WHRN: variants seen among roughly 807,000 people sequenced by gnomAD.
WHRN encodes the protein whirlin, also known as CASK-interacting protein CIP98.
A neutral mutation model predicts 68.3 loss-of-function variants in WHRN; 41 were observed. The observed-to-expected ratio is 0.60, with a 90% CI of 0.47 to 0.78. The LOEUF is 0.78. Among genes scored for constraint, WHRN ranks in the 30% least tolerant of loss-of-function variants. The probability of loss-of-function intolerance (pLI) is 0.00; values close to 1 mark genes in which losing one functional copy is unlikely to be tolerated. For missense variants in WHRN, 1,243 were observed against 1,244.7 expected (o/e 1.00, Z 0.02); for synonymous variants, 560 against 561.3 (o/e 1.00, Z 0.03).
At chr9:114,403,373 T>C (rs755943598) in intron 10 of WHRN, 34 bp from the exon 11 acceptor site, 2 of 1,613,350 alleles carry the variant, frequency 1.2e-6, no homozygotes, top group Admixed American at 3.3e-5. Context: ...ACTGAGGCCT[T>C]CGCAGTTGGC....
intron 2 of WHRN, among the ~76,000 whole-genome samples, chr9:114,467,760 G>C (rs555747613): frequency 6.6e-6 from 1 of 152,246 alleles, no homozygotes; most frequent in African/African-American, 2.4e-5. Flanking sequence ...AGGGATTCAT[G>C]GAAAAGAAAG....
chr9:114,478,132 A>T (rs1841801677), intron 2 of WHRN, among the ~76,000 whole-genome samples: 1 of 151,846 alleles, frequency 6.6e-6, no homozygotes, highest in Non-Finnish European at 1.5e-5. Context: ...CATTTAAATC[A>T]CAGTATTCAG....
chr9:114,477,642 T>C (rs1363066057), intron 2 of WHRN, among the ~76,000 whole-genome samples: 1 of 152,136 alleles, frequency 6.6e-6, no homozygotes, highest in Non-Finnish European at 1.5e-5. Flanking sequence ...GCTCCCTCTT[T>C]GGGAATCTTC....
At chr9:114,415,876 G>C (rs1487715544) in intron 7 of WHRN, among the ~76,000 whole-genome samples, 1 of 152,094 alleles carries the variant, frequency 6.6e-6, no homozygotes, top group Non-Finnish European at 1.5e-5. Context: ...GGAAAAATAA[G>C]GCCCTTTGAC....
At position 114,403,907 on chromosome 9, in the gene WHRN, C is replaced by T; in HGVS notation, c.2407G>A (p.Ala803Thr). Residue 803 changes from alanine (A) to threonine (T), a missense_variant, in exon 10 of 12, where the codon GCC becomes ACC. Coordinates refer to ENST00000362057, the MANE Select transcript of WHRN (RefSeq NM_015404.4). ...TCCTCCTGGCTCACCGGTTTGTTGG[C>T]CCCATCTGTGGGCCTCTCGTTCCGA... Reference protein sequence around the residue: ...LPRNERPTDGANKPPGLLEPT... With the variant: ...LPRNERPTDGTNKPPGLLEPT... 1 of 1,610,870 alleles carries T rather than the reference C, an allele frequency of 6.2e-7. No individual in the cohort carries two copies. Among genetic ancestry groups the T allele is most frequent in the East Asian group, 2.2e-5 (1 of 44,864 alleles).
chr9:114,466,287 C>T lies in WHRN; in HGVS notation c.943G>A (p.Ala315Thr), dbSNP rs876657774. ...YITGVDPGSEAEGSGLKVGDQ... is the reference protein window; with the variant it reads ...YITGVDPGSETEGSGLKVGDQ... ...CTCACCTTGAGCCCGCTGCCTTCTG[C>T]TTCAGAGCCTGGGTCCACGCCAGTG... Residue 315 changes from alanine (A) to threonine (T), a missense_variant, in exon 3 of 12, where the codon GCA (alanine) becomes ACA (threonine). By Grantham distance (58) the Ala-to-Thr change is moderately conservative. Transcript: ENST00000362057. 1 of 1,614,086 alleles carries T rather than the reference C, an allele frequency of 6.2e-7. No individual in the cohort carries two copies. Among genetic ancestry groups the T allele is most frequent in the African/African-American group, 1.3e-5 (1 of 75,064 alleles).
intron 3 of WHRN, among the ~76,000 whole-genome samples, chr9:114,460,748 G>A (rs547132593): frequency 1.3e-5 from 2 of 152,270 alleles, no homozygotes; most frequent in South Asian, 2.1e-4. Flanking sequence ...GGCCCTTCAG[G>A]AGCTAAGTGG....
Position 114,405,611 on chromosome 9 carries a change from C to A in WHRN, c.2236+744G>T, listed in dbSNP as rs138055495. On this transcript the variant is annotated intron_variant, in intron 9 of 11. Transcript: ENST00000362057. ...TGATCCATCTGTGACAGCCCTGGGTCTTCTCACCACGTCTGCCTGCTCTCC... is the reference window on the plus strand; with the variant it reads ...TGATCCATCTGTGACAGCCCTGGGTATTCTCACCACGTCTGCCTGCTCTCC... Among the ~76,000 whole-genome samples, 141 of 152,336 alleles carry A rather than the reference C, an allele frequency of 9.3e-4. 2 individuals are homozygous for A. The East Asian group carries it at 0.026, about 28-fold the overall frequency.
chr9:114,478,441 A>C, intron 2 of WHRN, 112 bp downstream of exon 2: 1 of 1,184,608 alleles, frequency 8.4e-7, no homozygotes, highest in Non-Finnish European at 1.3e-6. Context: ...GGGAAGACAG[A>C]GCCTGGACAG....
intron 1 of WHRN, among the ~76,000 whole-genome samples, chr9:114,485,461 C>T (rs1052562009): frequency 3.9e-5 from 6 of 152,020 alleles, no homozygotes; most frequent in Admixed American, 1.3e-4. Flanking sequence ...GAGGCCGAGG[C>T]GGGTGGATCA....
At chr9:114,446,862 G>A (rs1253759822) in intron 3 of WHRN, among the ~76,000 whole-genome samples, 2 of 152,016 alleles carry the variant, frequency 1.3e-5, no homozygotes, top group Non-Finnish European at 2.9e-5. Flanking sequence ...GGAGCTCTTG[G>A]AAAAGCTGTT....
Position 114,474,020 on chromosome 9 carries a change from C to T in WHRN, c.837+4533G>A, listed in dbSNP as rs982573120. Among the ~76,000 whole-genome samples, 7 of 152,318 alleles carry T rather than the reference C, an allele frequency of 4.6e-5. No individual in the cohort carries two copies. The South Asian group carries it at 1.5e-3, about 32-fold the overall frequency. Reference sequence around the variant, plus strand: ...CGCCCTCCCATCCTGATGCAGCCTCCTCCCCTGGGTCTTCCTTCCTTCTCT... The same window carrying T: ...CGCCCTCCCATCCTGATGCAGCCTCTTCCCCTGGGTCTTCCTTCCTTCTCT... On this transcript the variant is annotated intron_variant, in intron 2 of 11. Coordinates refer to ENST00000362057, the MANE Select transcript of WHRN (RefSeq NM_015404.4).
intron 1 of WHRN, among the ~76,000 whole-genome samples, chr9:114,484,221 C>T (rs1842312987): frequency 6.6e-6 from 1 of 152,220 alleles, no homozygotes; most frequent in Admixed American, 6.5e-5. Context: ...CCCTCCGAGG[C>T]CACGGCTGTG....
At chr9:114,437,529 G>C (rs1195853720) in intron 3 of WHRN, among the ~76,000 whole-genome samples, 1 of 152,184 alleles carries the variant, frequency 6.6e-6, no homozygotes, top group Non-Finnish European at 1.5e-5. Context: ...GAATCTGATT[G>C]TATTTGAAGA....
intron 8 of WHRN, among the ~76,000 whole-genome samples, chr9:114,407,313 G>A (rs1318426594): frequency 2.0e-5 from 3 of 152,212 alleles, no homozygotes; most frequent in Non-Finnish European, 4.4e-5. Context: ...AGGAGGAGAT[G>A]GATACATGGG....
rs896794060 is a variant in WHRN at position 114,425,497 on chromosome 9, T to A, written c.1167-473A>T. ...AAGCATCCAGAAATCCAGTTTTTTT[T>A]TTTATAGAAAACCTGGTATCTTTCT... is the stretch of plus-strand genomic sequence containing the variant. On this transcript the variant is annotated intron_variant, in intron 4 of 11. Coordinates refer to ENST00000362057, the MANE Select transcript of WHRN (RefSeq NM_015404.4). 40 of 368,716 alleles carry A rather than the reference T, an allele frequency of 1.1e-4. 1 individual carries two copies. In the South Asian group the frequency reaches 1.5e-3, roughly 14 times the overall value. 22.8% of individuals were successfully genotyped at this position (368,716 alleles called of 1,614,324 possible).
chr9:114,493,054 A>T (rs1177694084), intron 1 of WHRN, among the ~76,000 whole-genome samples: 1 of 152,032 alleles, frequency 6.6e-6, no homozygotes, highest in Non-Finnish European at 1.5e-5. Flanking sequence ...TATGTTAGGT[A>T]ATTAAAATAA....
At chr9:114,448,619 C>T (rs1410192634) in intron 3 of WHRN, among the ~76,000 whole-genome samples, 1 of 152,160 alleles carries the variant, frequency 6.6e-6, no homozygotes, top group Non-Finnish European at 1.5e-5. Flanking sequence ...ACCTCTCTCC[C>T]AGCACCTATC....
chr9:114,408,035 A>G lies in WHRN; in HGVS notation c.1627-17T>C. 6.3e-7 allele frequency: 1 copy of G among 1,583,608 alleles called. No individual in the cohort carries two copies. The highest frequency in any genetic ancestry group is 8.6e-7 in the Non-Finnish European group (1 of 1,161,946). On this transcript the variant is annotated splice_polypyrimidine_tract_variant and intron_variant, in intron 7 of 11. Coordinates refer to ENST00000362057, the MANE Select transcript of WHRN (RefSeq NM_015404.4). ...CAGAGTGTTCTAGAAATGGACGAGA[A>G]AGCAAAGTGAGCAAACAGAAGCTGA...
Sources: gnomAD v4.1 joint callset for allele counts (sites outside exome capture counted in the v4.1 genomes callset) on GRCh38, gnomAD v4.1.1 for gene constraint, MANE v1.5 for transcripts, NCBI Gene and HGNC (gene_info 2026-07-23, HGNC 2026-07-21) for gene names.